ATG7: variants seen among roughly 807,000 people sequenced by gnomAD.
ATG7 encodes autophagy related 7.
Under a neutral mutation model 82.4 loss-of-function variants are expected in ATG7, and 70 were observed. The ratio of observed to expected loss-of-function variants is 0.85; its 90% CI spans 0.70 to 1.04. The LOEUF (loss-of-function observed/expected upper bound fraction) is 1.04. ATG7 is among the 50% of genes least tolerant of loss of function. The pLI is 0.00. For missense variants in ATG7, 792 were observed against 864.3 expected, an observed-to-expected ratio of 0.92 and a Z score of 1.05; for synonymous variants, 287 against 313.0, an observed-to-expected ratio of 0.92 and a Z score of 0.88.
At chr3:11,559,404 G>T, downstream of ATG7, 2 of 1,562,904 alleles carry the variant, frequency 1.3e-6, no homozygotes, top group East Asian at 2.4e-5. Flanking sequence ...CAGTGCGAGA[G>T]GTTGCAGTTG....
chr3:11,390,750 A>T (rs1287654693), intron 19 of ATG7, among the ~76,000 whole-genome samples: 2 of 64,810 alleles, frequency 3.1e-5, no homozygotes, highest in Admixed American at 2.0e-4. Context: ...GGAAATTTTT[A>T]AAAAACTGCA....
At chr3:11,377,151 C>T (rs74891883) in intron 18 of ATG7, among the ~76,000 whole-genome samples, 1,612 of 152,280 alleles carry the variant, frequency 0.011, 30 homozygotes, top group African/African-American at 0.036. Context: ...AGGGAGGGAG[C>T]CCACCTGTGG....
chr3:11,426,664 G>A (rs2082389505), intron 19 of ATG7, 140 bp from the exon 20 acceptor site: 6 of 697,942 alleles, frequency 8.6e-6, no homozygotes, highest in Non-Finnish European at 1.3e-5. Context: ...TAGTTTTTTG[G>A]CCACTAGATT....
intron 9 of ATG7, among the ~76,000 whole-genome samples, chr3:11,320,567 C>T (rs985239840): frequency 2.0e-5 from 3 of 152,180 alleles, no homozygotes; most frequent in Admixed American, 6.5e-5. Flanking sequence ...GGATTACAGG[C>T]GTGAACCACC....
chr3:11,418,078 T>TG (rs373192647), intron 19 of ATG7, among the ~76,000 whole-genome samples: 3 of 151,902 alleles, frequency 2.0e-5, no homozygotes, highest in African/African-American at 7.2e-5. Context: ...CCCAAAGTGC[T>TG]GGGATTACAG....
At chr3:11,525,344 ATTAT>A (rs1444487626) in intron 20 of ATG7, among the ~76,000 whole-genome samples, 2 of 151,242 alleles carry the variant, frequency 1.3e-5, no homozygotes, top group African/African-American at 4.9e-5. Context: ...GAAAGTAGAA[ATTAT>A]TTATTTATTT....
intron 20 of ATG7, among the ~76,000 whole-genome samples, chr3:11,493,305 C>T (rs1389300630): frequency 1.3e-5 from 2 of 152,194 alleles, no homozygotes; most frequent in Non-Finnish European, 2.9e-5. Flanking sequence ...GGCAAGTCGC[C>T]TCTCCCCAAC....
At chr3:11,563,301 C>CAGGTTCTG in the ATG7 span, among the ~76,000 whole-genome samples, 1 of 152,240 alleles carries the variant, frequency 6.6e-6, no homozygotes, top group Non-Finnish European at 1.5e-5. Context: ...GCCAGAGAGC[C>CAGGTTCTG]AGGTTCTGCC....
chr3:11,458,964 C>T (rs528108671), intron 20 of ATG7, among the ~76,000 whole-genome samples: 6 of 152,072 alleles, frequency 3.9e-5, no homozygotes, highest in Non-Finnish European at 8.8e-5. Context: ...CTGGGTTGCC[C>T]GCAGCTTATG....
chr3:11,383,656 G>A (rs1438461298), intron 19 of ATG7, among the ~76,000 whole-genome samples: 1 of 152,060 alleles, frequency 6.6e-6, no homozygotes, highest in Non-Finnish European at 1.5e-5. Flanking sequence ...CACTCCATTG[G>A]CCAGGCTGGT....
chr3:11,548,905 G>T (rs2071525273), intron 20 of ATG7, among the ~76,000 whole-genome samples: 1 of 152,244 alleles, frequency 6.6e-6, no homozygotes, highest in Admixed American at 6.5e-5. Flanking sequence ...CGGGTCAAAA[G>T]TTAAGCCGTA....
intron 20 of ATG7, among the ~76,000 whole-genome samples, chr3:11,433,314 AAG>A (rs1491376646): frequency 1.2e-4 from 17 of 141,526 alleles, no homozygotes; most frequent in East Asian, 6.5e-4. Context: ...AAAAAAAAAA[AAG>A]CTGCGTTTGT....
chr3:11,329,586 G>A (rs993852774), intron 9 of ATG7, among the ~76,000 whole-genome samples: 3 of 152,082 alleles, frequency 2.0e-5, no homozygotes, highest in Non-Finnish European at 4.4e-5. Context: ...TATTTATGAA[G>A]GAGAGATGAA....
chr3:11,456,132 A>C (rs2085687126), intron 20 of ATG7, among the ~76,000 whole-genome samples: 1 of 152,160 alleles, frequency 6.6e-6, no homozygotes. Flanking sequence ...GTCATCTCTC[A>C]GTTCCCCTCA....
the ATG7 span, among the ~76,000 whole-genome samples, chr3:11,563,956 C>G: frequency 1.3e-5 from 2 of 152,174 alleles, no homozygotes; most frequent in South Asian, 2.1e-4. Flanking sequence ...TGGAGGGAAG[C>G]CCCGGTGAGG....
chr3:11,476,675 T>A (rs1350577928), intron 20 of ATG7, among the ~76,000 whole-genome samples: 3 of 152,242 alleles, frequency 2.0e-5, no homozygotes, highest in East Asian at 1.9e-4. Flanking sequence ...TTCCCATTTA[T>A]TTTATTTTAG....
chr3:11,505,739 G>C (rs1316214530), intron 20 of ATG7, among the ~76,000 whole-genome samples: 2 of 152,208 alleles, frequency 1.3e-5, no homozygotes, highest in Non-Finnish European at 2.9e-5. Flanking sequence ...AAAAGGATTT[G>C]GCAGATGTTT....
At chr3:11,575,607 G>A in the ATG7 span, among the ~76,000 whole-genome samples, 22 of 152,222 alleles carry the variant, frequency 1.4e-4, no homozygotes, top group Non-Finnish European at 3.1e-4. Context: ...TTACCCAGCG[G>A]CAGCCGCTTA....
At position 11,306,959 on chromosome 3, in the gene ATG7, G is replaced by A; in HGVS notation, c.232G>A (p.Ala78Thr). ...SAFDMSAPTP[A>T]RCCPAIGTLY... ...TGTATCTAGGAGTGCTCCCACCCCAGCCCGTTGCTGCCCAGCTATTGGAAC... is the reference window on the plus strand; with the variant it reads ...TGTATCTAGGAGTGCTCCCACCCCAACCCGTTGCTGCCCAGCTATTGGAAC... Residue 78 changes from alanine (A) to threonine (T), a missense_variant, in exon 6 of 21, where the codon GCC becomes ACC. Ala to Thr is a moderately conservative substitution (Grantham distance 58). Transcript: ENST00000693202. 1 of 1,613,978 alleles carries A rather than the reference G, an allele frequency of 6.2e-7. No homozygotes were observed. The highest frequency in any genetic ancestry group is 8.5e-7 in the Non-Finnish European group (1 of 1,179,928).
Sources: gnomAD v4.1 joint callset for allele counts (sites outside exome capture counted in the v4.1 genomes callset) on GRCh38, gnomAD v4.1.1 for gene constraint, MANE v1.5 for transcripts, NCBI Gene and HGNC (gene_info 2026-07-23, HGNC 2026-07-21) for gene names.